Variants in CABCOCO1 observed in about 807,000 individuals in gnomAD.
CABCOCO1 encodes the protein ciliary-associated calcium-binding coiled-coil protein 1.
CABCOCO1 carries 28 observed loss-of-function variants against 35.7 expected under a neutral mutation model. The observed-to-expected ratio is 0.78, with a 90% CI of 0.58 to 1.07. The LOEUF is 1.07. CABCOCO1 is among the 50% of genes least tolerant of loss of function. The probability of loss-of-function intolerance (pLI) is 0.00; values close to 1 mark genes in which losing one functional copy is unlikely to be tolerated. For missense variants in CABCOCO1, 326 were observed against 309.2 expected (o/e 1.05, Z -0.41); for synonymous variants, 95 against 100.1 (o/e 0.95, Z 0.30).
chr10:61,676,814 C>A (rs1018560148), intron 2 of CABCOCO1, among the ~76,000 whole-genome samples: 20 of 152,050 alleles, frequency 1.3e-4, no homozygotes, highest in African/African-American at 4.8e-4. Flanking sequence ...TTAAACCCAG[C>A]ACTTTGGGAG....
chr10:61,712,638 A>G (rs919890995), intron 5 of CABCOCO1, among the ~76,000 whole-genome samples: 1 of 151,952 alleles, frequency 6.6e-6, no homozygotes, highest in Non-Finnish European at 1.5e-5. Context: ...ATGGTTTTAG[A>G]TCTAACATTT....
chr10:61,663,040 G>C lies in CABCOCO1; in HGVS notation c.60+8G>C. On this transcript the variant is annotated splice_region_variant and intron_variant, in intron 1 of 7. Coordinates refer to ENST00000648843, the MANE Select transcript of CABCOCO1 (RefSeq NM_001366906.2). ...ACCACGCCCGAATCGGAGGTACACC[G>C]CCCCTTTCCCTTCCCGGTACCGGTG... 4.0e-6 allele frequency: 1 copy of C among 250,784 alleles called. No individual in the cohort carries two copies. Among genetic ancestry groups the C allele is most frequent in the Non-Finnish European group, 9.0e-6 (1 of 111,178 alleles). The allele number at this position is 250,784 out of a possible 1,614,324, so 15.5% of individuals were successfully genotyped here. A position where few individuals can be genotyped will look rare whatever the true frequency, so the allele number is the denominator to read the frequency against.
At chr10:61,698,601 A>G (rs945633737) in intron 5 of CABCOCO1, among the ~76,000 whole-genome samples, 1 of 152,164 alleles carries the variant, frequency 6.6e-6, no homozygotes, top group East Asian at 1.9e-4. Context: ...AAGTCAGTGA[A>G]TGTCAACTGT....
At chr10:61,750,625 T>A (rs1841760710) in intron 5 of CABCOCO1, among the ~76,000 whole-genome samples, 1 of 152,318 alleles carries the variant, frequency 6.6e-6, no homozygotes, top group African/African-American at 2.4e-5. Flanking sequence ...AGAATCTGTC[T>A]GGTTGTTTGG....
intron 5 of CABCOCO1, among the ~76,000 whole-genome samples, chr10:61,723,757 A>G (rs1841078274): frequency 6.6e-6 from 1 of 152,086 alleles, no homozygotes; most frequent in African/African-American, 2.4e-5. Context: ...CACCCTTAGG[A>G]CTCATTTACT....
Position 61,760,286 on chromosome 10 carries a change from T to C in CABCOCO1, c.675+105T>C, listed in dbSNP as rs1841982424. ...TTCTTCATTTTCTTTGCCTCTGATTTTTCCCAACCAAATACAAATATTTCT... is the reference window on the plus strand; with the variant it reads ...TTCTTCATTTTCTTTGCCTCTGATTCTTCCCAACCAAATACAAATATTTCT... On this transcript the variant is annotated intron_variant, in intron 6 of 7. Transcript: ENST00000648843. 3.6e-6 allele frequency: 5 copies of C among 1,399,032 alleles called. No homozygotes were observed. The South Asian group carries it at 4.2e-5, about 12-fold the overall frequency. 86.7% of individuals were successfully genotyped at this position (1,399,032 alleles called of 1,614,324 possible).
intron 5 of CABCOCO1, among the ~76,000 whole-genome samples, chr10:61,731,078 A>T (rs1232023519): frequency 6.7e-6 from 1 of 150,266 alleles, no homozygotes; most frequent in Non-Finnish European, 1.5e-5. Flanking sequence ...GATCGATCAT[A>T]TGGCAATACT....
chr10:61,665,777 C>G (rs1392298487), intron 1 of CABCOCO1, among the ~76,000 whole-genome samples: 2 of 151,310 alleles, frequency 1.3e-5, no homozygotes, highest in East Asian at 3.9e-4. Flanking sequence ...GTCCCAGCTA[C>G]TCGGGAGGCT....
At chr10:61,703,996 A>T (rs542638047) in intron 5 of CABCOCO1, among the ~76,000 whole-genome samples, 6 of 151,920 alleles carry the variant, frequency 3.9e-5, no homozygotes, top group African/African-American at 1.4e-4. Flanking sequence ...CAGATAGAAC[A>T]CTTGAGGCCA....
intron 5 of CABCOCO1, among the ~76,000 whole-genome samples, chr10:61,717,572 T>G (rs1840898088): frequency 6.6e-6 from 1 of 152,150 alleles, no homozygotes; most frequent in Non-Finnish European, 1.5e-5. Context: ...TATTGCATGT[T>G]CAGTACTATG....
intron 4 of CABCOCO1, among the ~76,000 whole-genome samples, chr10:61,687,616 G>A (rs760632758): frequency 4.6e-5 from 7 of 152,046 alleles, no homozygotes; most frequent in African/African-American, 1.7e-4. Flanking sequence ...CCTTCATCTC[G>A]TCTCTCTGGG....
chr10:61,680,645 A>ACATATGT (rs1589116651), intron 2 of CABCOCO1, among the ~76,000 whole-genome samples: 2 of 80,430 alleles, frequency 2.5e-5, no homozygotes, highest in East Asian at 3.0e-4. Flanking sequence ...TACATATATA[A>ACATATGT]TATATATTAT....
At chr10:61,737,052 A>G (rs1013873767) in intron 5 of CABCOCO1, among the ~76,000 whole-genome samples, 12 of 152,128 alleles carry the variant, frequency 7.9e-5, no homozygotes, top group Non-Finnish European at 1.3e-4. Flanking sequence ...GACCAAGACT[A>G]TGGGGTTTTA....
intron 3 of CABCOCO1, 135 bp from the exon 4 acceptor site, chr10:61,685,906 A>G (rs1461374944): frequency 1.3e-6 from 1 of 760,876 alleles, no homozygotes; most frequent in Non-Finnish European, 2.0e-6. Flanking sequence ...TATTATGAAG[A>G]AACAAGAGTT....
intron 5 of CABCOCO1, among the ~76,000 whole-genome samples, chr10:61,714,489 G>GT (rs1027926677): frequency 3.3e-5 from 5 of 151,936 alleles, no homozygotes; most frequent in African/African-American, 9.7e-5. Flanking sequence ...TTTTTGAAGG[G>GT]TTTTTTTGTG....
At chr10:61,761,730 T>C (rs1463213443) in intron 7 of CABCOCO1, among the ~76,000 whole-genome samples, 2 of 152,126 alleles carry the variant, frequency 1.3e-5, no homozygotes, top group Non-Finnish European at 2.9e-5. Context: ...CTAGTGCATA[T>C]TTAAAATATT....
chr10:61,698,994 T>C (rs888948028), intron 5 of CABCOCO1, among the ~76,000 whole-genome samples: 2 of 152,158 alleles, frequency 1.3e-5, no homozygotes, highest in African/African-American at 4.8e-5. Context: ...TCTAAACTTA[T>C]CCAGATGATG....
At chr10:61,671,324 CAA>C (rs1404559573) in intron 1 of CABCOCO1, among the ~76,000 whole-genome samples, 3 of 126,424 alleles carry the variant, frequency 2.4e-5, no homozygotes, top group Non-Finnish European at 5.1e-5. Flanking sequence ...GGCTCCGTCT[CAA>C]AAAAAAAAAA....
intron 5 of CABCOCO1, among the ~76,000 whole-genome samples, chr10:61,725,219 G>A (rs1276678528): frequency 5.3e-5 from 8 of 152,154 alleles, no homozygotes. Context: ...CAAGGATCTA[G>A]AACCAGAAAT....
Sources: gnomAD v4.1 joint callset for allele counts (sites outside exome capture counted in the v4.1 genomes callset) on GRCh38, gnomAD v4.1.1 for gene constraint, MANE v1.5 for transcripts, NCBI Gene and HGNC (gene_info 2026-07-23, HGNC 2026-07-21) for gene names.